MUC12: variants seen among roughly 807,000 people sequenced by gnomAD.
MUC12 encodes the protein mucin 12, cell surface associated, also known as mucin-12.
MUC12 carries 172 observed loss-of-function variants against 230.8 expected under a neutral mutation model. The observed-to-expected ratio is 0.75, with a 90% CI of 0.66 to 0.85. The LOEUF (loss-of-function observed/expected upper bound fraction) is 0.85. Among genes scored for constraint, MUC12 ranks in the 40% least tolerant of loss-of-function variants. The probability of loss-of-function intolerance (pLI) is 0.00; values close to 1 mark genes in which losing one functional copy is unlikely to be tolerated. For missense variants in MUC12, 3,506 were observed against 5,920.6 expected (o/e 0.59, Z 13.38); for synonymous variants, 1,259 against 2,401.9 (o/e 0.52, Z 13.91).
chr7:100,981,060 C>T (rs558686654), intron 1 of MUC12, among the ~76,000 whole-genome samples: 10 of 152,316 alleles, frequency 6.6e-5, no homozygotes, highest in Admixed American at 1.3e-4. Context: ...TCATGATGGA[C>T]GTCTATCTTT....
rs1362289209 is a variant in MUC12 at position 100,975,470 on chromosome 7, T to C, written c.67+5781T>C. 2.6e-5 allele frequency among the ~76,000 whole-genome samples: 4 copies of C among 152,302 alleles called. No individual in the cohort carries two copies. The East Asian group carries it at 7.7e-4, about 29-fold the overall frequency. On this transcript the variant is annotated intron_variant, in intron 1 of 11. Coordinates refer to ENST00000536621, the MANE Select transcript of MUC12 (RefSeq NM_001164462.2). ...CTTTGAAACTCAAGTGATGTAAAAATTGACGCAATTACAAGGAATGCAGTT... is the reference window on the plus strand; with the variant it reads ...CTTTGAAACTCAAGTGATGTAAAAACTGACGCAATTACAAGGAATGCAGTT...
Position 101,012,896 on chromosome 7 carries a change from C to T in MUC12, c.15475+6C>T, listed in dbSNP as rs1014510812. The stretch of plus-strand genomic sequence containing the variant: ...TCCGGGCTTTGACTTCCAGGGTAAG[C>T]GACTACGTGGAGCGTGGGCACTAAG... On this transcript the variant is annotated splice_donor_region_variant and intron_variant, in intron 7 of 11. Transcript: ENST00000536621. 7 of 1,537,250 alleles carry T rather than the reference C, an allele frequency of 4.6e-6. No individual in the cohort carries two copies. The highest frequency in any genetic ancestry group is 5.2e-6 in the Non-Finnish European group (6 of 1,146,918).
chr7:100,988,566 G>A (rs1306186164), intron 1 of MUC12, among the ~76,000 whole-genome samples: 1 of 152,170 alleles, frequency 6.6e-6, no homozygotes. Context: ...TAATAGAGGT[G>A]GCTAGCTCTT....
intron 9 of MUC12, 101 bp from the exon 10 acceptor site, chr7:101,015,514 G>A (rs959256553): frequency 1.1e-6 from 1 of 927,870 alleles, no homozygotes; most frequent in African/African-American, 1.6e-5. Flanking sequence ...GACTCGGGGT[G>A]TGGCTGTGAC....
intron 1 of MUC12, among the ~76,000 whole-genome samples, chr7:100,986,293 AG>A (rs1423026799): frequency 6.6e-6 from 1 of 152,102 alleles, no homozygotes; most frequent in Non-Finnish European, 1.5e-5. Context: ...CCAGCCTAGA[AG>A]TTTGAGGCTG....
intron 5 of MUC12, 30 bp from the exon 6 acceptor site, chr7:101,012,266 G>C (rs1182327998): frequency 4.6e-6 from 7 of 1,535,326 alleles, no homozygotes; most frequent in Non-Finnish European, 6.1e-6. Flanking sequence ...TGGTGACATG[G>C]GTAACTGATG....
At chr7:100,985,851 C>G (rs1793179420) in intron 1 of MUC12, among the ~76,000 whole-genome samples, 1 of 152,054 alleles carries the variant, frequency 6.6e-6, no homozygotes, top group African/African-American at 2.4e-5. Flanking sequence ...GGAAGGAACG[C>G]CTGCGTGAGC....
chr7:100,977,414 T>C (rs536464758), intron 1 of MUC12, among the ~76,000 whole-genome samples: 62 of 151,784 alleles, frequency 4.1e-4, no homozygotes, highest in Non-Finnish European at 7.4e-4. Context: ...TTGCCCAGGC[T>C]GGAGTACAGT....
chr7:100,990,818 C>G lies in MUC12; in HGVS notation c.255C>G (p.His85Gln). 2.0e-6 allele frequency: 3 copies of G among 1,537,838 alleles called. No individual in the cohort carries two copies. Among genetic ancestry groups the G allele is most frequent in the Non-Finnish European group, 2.6e-6 (3 of 1,147,028 alleles). The change falls in exon 2 of 12, where the codon CAC (histidine) becomes CAG (glutamine). Residue 85 changes from histidine (H) to glutamine (Q), a missense_variant. By Grantham distance (24) the His-to-Gln change is conservative. Coordinates refer to ENST00000536621, the MANE Select transcript of MUC12 (RefSeq NM_001164462.2). ...SGHSEESTVS[H>Q]SGPGATGTTL... ...ACAGTGAGGAATCAACAGTATCCCA[C>G]AGCGGCCCAGGTGCAACTGGAACAA...
intron 10 of MUC12, among the ~76,000 whole-genome samples, chr7:101,015,934 G>A (rs1346328446): frequency 1.3e-5 from 2 of 152,192 alleles, no homozygotes; most frequent in Non-Finnish European, 2.9e-5. Context: ...AGGGCATCCA[G>A]TGCACACTCA....
chr7:101,014,207 G>A, intron 9 of MUC12, 133 bp downstream of exon 9: 3 of 1,075,876 alleles, frequency 2.8e-6, no homozygotes, highest in Non-Finnish European at 1.3e-6. Context: ...CAGATGGGGT[G>A]CCCAGACCCT....
intron 2 of MUC12, among the ~76,000 whole-genome samples, chr7:101,005,997 C>T (rs1217824015): frequency 6.6e-6 from 1 of 152,030 alleles, no homozygotes; most frequent in East Asian, 1.9e-4. Context: ...GGGTTTTTAC[C>T]ATGTTGACCA....
At chr7:101,006,990 G>A (rs1793763902) in intron 3 of MUC12, among the ~76,000 whole-genome samples, 1 of 152,050 alleles carries the variant, frequency 6.6e-6, no homozygotes, top group Non-Finnish European at 1.5e-5. Context: ...AGGGAGTCTC[G>A]CTCTGTCTCC....
chr7:100,983,648 TAC>T (rs1312728973), intron 1 of MUC12, among the ~76,000 whole-genome samples: 14 of 152,140 alleles, frequency 9.2e-5, no homozygotes, highest in Non-Finnish European at 1.5e-4. Flanking sequence ...CCTAGGCAGT[TAC>T]AGAATCACTG....
chr7:100,971,538 C>T (rs1792897379), intron 1 of MUC12, among the ~76,000 whole-genome samples: 1 of 152,184 alleles, frequency 6.6e-6, no homozygotes, highest in African/African-American at 2.4e-5. Context: ...GCCCGCCAAG[C>T]CTTGACAGAT....
Position 101,004,681 on chromosome 7 carries a change from C to G in MUC12, c.14118C>G (p.Gly4706=), listed in dbSNP as rs1005314283. Residue 4706 remains glycine, a synonymous_variant, in exon 2 of 12, where the codon GGC becomes GGG. Transcript: ENST00000536621. ...TACCTGCCCATTTTACTACCTCAGG[C>G]CGCATTGCAGAATCTACCACCTTCT... is the stretch of plus-strand genomic sequence containing the variant. ...TPLPAHFTTS[G]RIAESTTFYI... 5 of 1,537,730 alleles carry G rather than the reference C, an allele frequency of 3.3e-6. No individual in the cohort carries two copies. In the African/African-American group the frequency reaches 4.1e-5, roughly 13 times the overall value.
intron 1 of MUC12, among the ~76,000 whole-genome samples, chr7:100,987,280 T>C (rs1793206365): frequency 6.6e-6 from 1 of 152,108 alleles, no homozygotes; most frequent in Non-Finnish European, 1.5e-5. Flanking sequence ...TTGGCCAGGC[T>C]GGTCTTGGAC....
chr7:100,991,838 T>C lies in MUC12; in HGVS notation c.1275T>C (p.Arg425=), dbSNP rs1481866707. 2.6e-6 allele frequency: 4 copies of C among 1,537,656 alleles called. No homozygotes were observed. The Admixed American group carries it at 5.9e-5, about 23-fold the overall frequency. Residue 425 remains arginine (R), a synonymous_variant, in exon 2 of 12, where the codon CGT becomes CGC. Coordinates refer to ENST00000536621, the MANE Select transcript of MUC12 (RefSeq NM_001164462.2). ...GCTCAACTGAAACAACACACTTCCG[T>C]GATAGCTCCACAATCTCAGGCCGTA... ...SLGSTETTHF[R]DSSTISGRSE...
At position 101,004,599 on chromosome 7, in the gene MUC12, G is replaced by A. The variant is rs144292724; in HGVS notation, c.14036G>A (p.Arg4679His). ...HFPESSTTSGRSEESTASHSS... is the reference protein window; with the variant it reads ...HFPESSTTSGHSEESTASHSS... Reference sequence around the variant, plus strand: ...CCTGAGAGCTCCACAACCTCCGGCCGTAGTGAGGAATCAACAGCATCCCAC... The same window carrying A: ...CCTGAGAGCTCCACAACCTCCGGCCATAGTGAGGAATCAACAGCATCCCAC... Residue 4679 changes from arginine (R) to histidine (H), a missense_variant, in exon 2 of 12, where the codon CGT (arginine) becomes CAT (histidine). Transcript: ENST00000536621. The A allele has an allele frequency of 1.2e-3, 1,802 of 1,536,160 alleles. 4 individuals carry two copies. The highest frequency in any genetic ancestry group is 2.3e-3 in the South Asian group (194 of 83,984).
Sources: gnomAD v4.1 joint callset for allele counts (sites outside exome capture counted in the v4.1 genomes callset) on GRCh38, gnomAD v4.1.1 for gene constraint, MANE v1.5 for transcripts, NCBI Gene and HGNC (gene_info 2026-07-23, HGNC 2026-07-21) for gene names.